Variants in ATXN7L1 observed in about 807,000 individuals in gnomAD.
ATXN7L1 encodes the protein ataxin 7 like 1, also known as ataxin-7-like protein 1.
In ATXN7L1, 15 loss-of-function variants were observed where a neutral mutation model predicts 70.8. That is an observed-to-expected ratio of 0.21 (90% CI 0.14 to 0.33). The LOEUF is 0.33. ATXN7L1 is among the 10% of genes least tolerant of loss of function. The pLI, the probability that ATXN7L1 is intolerant of heterozygous loss-of-function variation, is 1.00. For missense variants in ATXN7L1, 975 were observed against 1,097.1 expected, an observed-to-expected ratio of 0.89 and a Z score of 1.57; for synonymous variants, 440 against 445.1, an observed-to-expected ratio of 0.99 and a Z score of 0.14.
intron 3 of ATXN7L1, among the ~76,000 whole-genome samples, chr7:105,786,442 G>A (rs1804320632): frequency 6.6e-6 from 1 of 152,164 alleles, no homozygotes; most frequent in African/African-American, 2.4e-5. Context: ...CCCATGTTTT[G>A]GGTCCCTTTC....
chr7:105,605,743 C>T lies in ATXN7L1; in HGVS notation c.*2109G>A, dbSNP rs1792738966. 1 of 152,106 alleles carries T rather than the reference C, an allele frequency of 6.6e-6. No homozygotes were observed. The highest frequency in any genetic ancestry group is 1.5e-5 in the Non-Finnish European group (1 of 68,006). 9.4% of individuals were successfully genotyped at this position (152,106 alleles called of 1,614,324 possible). On this transcript the variant is annotated 3_prime_UTR_variant, in exon 12 of 12. Transcript: ENST00000419735. Reference sequence around the variant, plus strand: ...TATAAAAAACAACAGACCTCTGAAACCGAACAAGACAAAATTGTGCAAAAA... The same window carrying T: ...TATAAAAAACAACAGACCTCTGAAATCGAACAAGACAAAATTGTGCAAAAA...
intron 3 of ATXN7L1, among the ~76,000 whole-genome samples, chr7:105,719,636 C>A (rs1438862567): frequency 6.6e-6 from 1 of 152,084 alleles, no homozygotes; most frequent in African/African-American, 2.4e-5. Flanking sequence ...CTCAGAGAAG[C>A]GGACTAAGCC....
intron 3 of ATXN7L1, among the ~76,000 whole-genome samples, chr7:105,670,672 A>C (rs1234104800): frequency 1.3e-5 from 2 of 151,868 alleles, no homozygotes; most frequent in African/African-American, 4.8e-5. Flanking sequence ...AAAAAAAAAA[A>C]AACTGATTTG....
chr7:105,620,260 T>A lies in ATXN7L1; in HGVS notation c.1457A>T (p.Asp486Val). ...GGAGTTTAGTGCGAATCGAAAACGA[T>A]CCCATCTTCTATCAAACACATAGTA... ...RGYYVFDRRW[D>V]RFRFALNSMV... is the part of the protein sequence containing the mutation. The change falls in exon 9 of 12, where the codon GAT becomes GTT. Residue 486 changes from aspartate to valine, a missense_variant. This residue lies in a region of ATXN7L1 where 635 missense variants were observed against 699.4 expected (regional missense o/e 0.91). Coordinates refer to ENST00000419735, the MANE Select transcript of ATXN7L1 (RefSeq NM_020725.2). 1 of 1,551,426 alleles carries A rather than the reference T, an allele frequency of 6.4e-7. No individual in the cohort carries two copies.
intron 2 of ATXN7L1, among the ~76,000 whole-genome samples, chr7:105,810,226 T>C (rs1808236551): frequency 6.6e-6 from 1 of 152,248 alleles, no homozygotes; most frequent in Non-Finnish European, 1.5e-5. Context: ...TGGAGAGATC[T>C]ACCCTTGTAT....
In ATXN7L1 at chr7:105,724,603, A is replaced by AAG. The variant is rs1355634723; in HGVS notation, c.356-59316_356-59315insCT. 2.3e-3 allele frequency among the ~76,000 whole-genome samples: 311 copies of AAG among 134,984 alleles called. 2 individuals are homozygous for AAG. Among genetic ancestry groups the AAG allele is most frequent in the African/African-American group, 8.0e-3 (279 of 34,944 alleles). The allele number at this position is 134,984 out of a possible 152,430, so 88.6% of individuals were successfully genotyped here. The stretch of plus-strand genomic sequence containing the variant: ...AAAAAAAAAAAAAAAAAAAAAAAAA[A>AAG]GGAGGCCGGGCGTGGTGGCTCACGC... On this transcript the variant is annotated intron_variant, in intron 3 of 11. Transcript: ENST00000419735.
chr7:105,717,138 A>C (rs1282792712), intron 3 of ATXN7L1, among the ~76,000 whole-genome samples: 2 of 151,914 alleles, frequency 1.3e-5, no homozygotes, highest in Non-Finnish European at 2.9e-5. Flanking sequence ...AAATTTATTT[A>C]TTTTTTTGAG....
intron 2 of ATXN7L1, among the ~76,000 whole-genome samples, chr7:105,846,545 G>A (rs1454324153): frequency 6.6e-6 from 1 of 152,194 alleles, no homozygotes; most frequent in Non-Finnish European, 1.5e-5. Flanking sequence ...GGCTGCTTTA[G>A]AAAACAGTTT....
chr7:105,730,479 TC>T (rs915597149), intron 3 of ATXN7L1, among the ~76,000 whole-genome samples: 7 of 151,938 alleles, frequency 4.6e-5, no homozygotes, highest in Admixed American at 4.6e-4. Context: ...ACGCCTGTAA[TC>T]CCAGCACTTT....
chr7:105,640,100 T>C (rs1044668659), intron 5 of ATXN7L1, among the ~76,000 whole-genome samples: 4 of 152,098 alleles, frequency 2.6e-5, no homozygotes, highest in Non-Finnish European at 1.5e-5. Context: ...CAGAGTGACC[T>C]GCCTCTCTCA....
chr7:105,725,942 G>A (rs1391229632), intron 3 of ATXN7L1, among the ~76,000 whole-genome samples: 17 of 139,670 alleles, frequency 1.2e-4, no homozygotes, highest in African/African-American at 3.0e-4. Flanking sequence ...TTGCTCCGTC[G>A]TCCAGGATGG....
At chr7:105,729,984 G>A (rs1319036975) in intron 3 of ATXN7L1, among the ~76,000 whole-genome samples, 1 of 152,032 alleles carries the variant, frequency 6.6e-6, no homozygotes, top group African/African-American at 2.4e-5. Context: ...TGATCCGCCC[G>A]TCTCGGCCTC....
At chr7:105,725,988 G>A (rs1795773548) in intron 3 of ATXN7L1, among the ~76,000 whole-genome samples, 5 of 147,784 alleles carry the variant, frequency 3.4e-5, no homozygotes, top group African/African-American at 5.0e-5. Context: ...TGCAGCCTCC[G>A]CCTCCTGGGT....
At chr7:105,744,735 C>CTTTTTTTTTT (rs11465151) in intron 3 of ATXN7L1, among the ~76,000 whole-genome samples, 1 of 117,126 alleles carries the variant, frequency 8.5e-6, no homozygotes, top group African/African-American at 3.3e-5. Flanking sequence ...TCTTTCTTTA[C>CTTTTTTTTTT]TTTTTTTTTT....
intron 3 of ATXN7L1, among the ~76,000 whole-genome samples, chr7:105,700,381 C>A (rs980069835): frequency 6.6e-6 from 1 of 151,848 alleles, no homozygotes; most frequent in African/African-American, 2.4e-5. Flanking sequence ...GTGGCATGCT[C>A]CTGTTGTCCC....
At chr7:105,823,225 C>T (rs969849640) in intron 2 of ATXN7L1, among the ~76,000 whole-genome samples, 1 of 152,072 alleles carries the variant, frequency 6.6e-6, no homozygotes, top group Non-Finnish European at 1.5e-5. Context: ...TTTTCTATCT[C>T]CTACAAAGTC....
At chr7:105,686,027 A>G (rs995045873) in intron 3 of ATXN7L1, among the ~76,000 whole-genome samples, 1 of 152,198 alleles carries the variant, frequency 6.6e-6, no homozygotes, top group Non-Finnish European at 1.5e-5. Context: ...AGAAGAGAGC[A>G]GCATTAAGAT....
intron 2 of ATXN7L1, among the ~76,000 whole-genome samples, chr7:105,852,077 A>T (rs1036563345): frequency 6.6e-6 from 1 of 152,118 alleles, no homozygotes; most frequent in Non-Finnish European, 1.5e-5. Context: ...TCTCTGTACC[A>T]TCCTCCCTCT....
rs537170507 is a variant in ATXN7L1 at position 105,645,234 on chromosome 7, G to T, written c.579-2113C>A. On this transcript the variant is annotated intron_variant, in intron 4 of 11. Coordinates refer to ENST00000419735, the MANE Select transcript of ATXN7L1 (RefSeq NM_020725.2). Reference sequence around the variant, plus strand: ...TACTACTGAAATGTACATTAAAAACGGTTAATATGGTAAATTTTATGTTAT... The same window carrying T: ...TACTACTGAAATGTACATTAAAAACTGTTAATATGGTAAATTTTATGTTAT... Among the ~76,000 whole-genome samples the T allele has an allele frequency of 3.3e-5, 5 of 151,892 alleles. No homozygotes were observed. In the East Asian group the frequency reaches 9.6e-4, roughly 29 times the overall value.
Sources: gnomAD v4.1 joint callset for allele counts (sites outside exome capture counted in the v4.1 genomes callset) on GRCh38, gnomAD v4.1.1 for gene constraint, gnomAD v4.1.1 regional missense constraint, MANE v1.5 for transcripts, NCBI Gene and HGNC (gene_info 2026-07-23, HGNC 2026-07-21) for gene names.